TJP2: variants seen among roughly 807,000 people sequenced by gnomAD.
TJP2 encodes the protein Friedreich ataxia region gene X104 (tight junction protein ZO-2).
A neutral mutation model predicts 133.1 loss-of-function variants in TJP2; 91 were observed. The observed-to-expected ratio is 0.68, with a 90% CI of 0.58 to 0.81. TJP2 has a LOEUF of 0.81. TJP2 is among the 40% of genes least tolerant of loss of function. The pLI is 0.00. For missense variants in TJP2, 1,541 were observed against 1,565.6 expected, an observed-to-expected ratio of 0.98 and a Z score of 0.26; for synonymous variants, 592 against 583.4, an observed-to-expected ratio of 1.01 and a Z score of -0.21.
intron 10 of TJP2, 56 bp downstream of exon 10, chr9:69,229,306 A>G: frequency 6.4e-7 from 1 of 1,561,552 alleles, no homozygotes. Flanking sequence ...CTGTCTCTGT[A>G]ACTGAAATCC....
intron 9 of TJP2, 122 bp downstream of exon 9, chr9:69,228,236 C>T: frequency 8.1e-7 from 1 of 1,231,280 alleles, no homozygotes; most frequent in Non-Finnish European, 1.2e-6. Flanking sequence ...GGCCATTATC[C>T]TAAGCTAATT....
intron 14 of TJP2, among the ~76,000 whole-genome samples, 175 bp from the exon 15 acceptor site, chr9:69,237,703 T>G (rs1048844316): frequency 1.3e-5 from 2 of 152,054 alleles, no homozygotes; most frequent in African/African-American, 4.8e-5. Flanking sequence ...AAAAATTGTT[T>G]TAAATGGTGA....
intron 11 of TJP2, 152 bp downstream of exon 11, chr9:69,230,384 T>G (rs1271942184): frequency 1.9e-5 from 18 of 948,194 alleles, no homozygotes; most frequent in Non-Finnish European, 2.1e-5. Context: ...TCTGTATTCC[T>G]CAAATGCGTC....
chr9:69,234,490 C>G lies in TJP2; in HGVS notation c.1723C>G (p.Leu575Val). The G allele has an allele frequency of 6.6e-7, 1 of 1,515,650 alleles. No homozygotes were observed. The highest frequency in any genetic ancestry group is 8.9e-7 in the Non-Finnish European group (1 of 1,123,916). The allele number at this position is 1,515,650 out of a possible 1,614,324, so 93.9% of individuals were successfully genotyped here. The stretch of plus-strand genomic sequence containing the variant: ...AGTGCGGGAGGATGCCGTTCTCTAC[C>G]TGTTAGAAATCCCTAAAGGTGAAAT... ...GLVREDAVLY[L>V]LEIPKGEMVT... Residue 575 changes from leucine (L) to valine (V), a missense_variant, in exon 12 of 23, where the codon CTG becomes GTG. Leu to Val is a conservative substitution (Grantham distance 32, BLOSUM62 1). Transcript: ENST00000377245.
intron 2 of TJP2, among the ~76,000 whole-genome samples, chr9:69,159,353 A>G (rs1042214352): frequency 6.6e-6 from 1 of 152,270 alleles, no homozygotes; most frequent in Admixed American, 6.5e-5. Context: ...TTGAAAAAAT[A>G]TATACAATTT....
In TJP2 at chr9:69,223,069, GAAAAAAA is replaced by G. The variant is rs57114714; in HGVS notation, c.952+1589_952+1595del. On this transcript the variant is annotated intron_variant, in intron 5 of 22. Coordinates refer to ENST00000377245, the MANE Select transcript of TJP2 (RefSeq NM_004817.4). ...GGGTGACAGAGCGAGACTCTGTCTT[GAAAAAAA>G]AAAAAAAAAAAAAAAGAAACCATGG... Among the ~76,000 whole-genome samples the G allele has an allele frequency of 1.4e-4, 16 of 114,098 alleles. No homozygotes were observed. The East Asian group carries it at 2.5e-3, about 18-fold the overall frequency. 74.9% of individuals were successfully genotyped at this position (114,098 alleles called of 152,430 possible). A position where few individuals can be genotyped will look rare whatever the true frequency, so the allele number is the denominator to read the frequency against.
At chr9:69,215,479 G>A (rs1457544485) in intron 2 of TJP2, among the ~76,000 whole-genome samples, 2 of 151,416 alleles carry the variant, frequency 1.3e-5, no homozygotes, top group Non-Finnish European at 2.9e-5. Context: ...TGACCTCACA[G>A]GCTCAGGTGA....
In TJP2 at chr9:69,247,040, T is replaced by G. The variant is rs79955122; in HGVS notation, c.2667+250T>G. Among the ~76,000 whole-genome samples the G allele has an allele frequency of 4.3e-4, 65 of 152,366 alleles. 1 individual carries two copies. In the East Asian group the frequency reaches 0.011, roughly 26 times the overall value. On this transcript the variant is annotated intron_variant, in intron 18 of 22. Transcript: ENST00000377245. ...ACTTTTAATGTAGTAACTAGTGTTA[T>G]ATTCCAAGTACACTAATCAGAGCTT... is the stretch of plus-strand genomic sequence containing the variant.
chr9:69,179,322 C>A (rs1182875718), intron 1 of TJP2, among the ~76,000 whole-genome samples: 2 of 152,130 alleles, frequency 1.3e-5, no homozygotes, highest in Admixed American at 1.3e-4. Context: ...CTTTCCTTAA[C>A]CATTTACACA....
At chr9:69,129,450 G>T (rs1224950646) in intron 1 of TJP2, among the ~76,000 whole-genome samples, 3 of 152,060 alleles carry the variant, frequency 2.0e-5, no homozygotes, top group African/African-American at 4.8e-5. Flanking sequence ...GGTCCAGGCT[G>T]CAGTGAGCTG....
rs117189876 is a variant in TJP2 at position 69,201,822 on chromosome 9, C to T, written c.61-10726C>T. 4.0e-3 allele frequency among the ~76,000 whole-genome samples: 602 copies of T among 152,210 alleles called. 10 individuals are homozygous for T. The highest frequency in any genetic ancestry group is 0.029 in the East Asian group (149 of 5,174). ...CATACGCCGCCACCACGTAGACGAA[C>T]CTTGAGGACATTATGCTATGTGAAG... On this transcript the variant is annotated intron_variant, in intron 1 of 22. Transcript: ENST00000377245.
At chr9:69,185,186 C>T (rs911496476) in intron 1 of TJP2, among the ~76,000 whole-genome samples, 7 of 152,042 alleles carry the variant, frequency 4.6e-5, no homozygotes, top group East Asian at 1.9e-4. Flanking sequence ...CTCAGCCTCC[C>T]GAGTAGCTGG....
At chr9:69,250,892 T>C in intron 20 of TJP2, 143 bp from the exon 21 acceptor site, 1 of 906,880 alleles carries the variant, frequency 1.1e-6, no homozygotes, top group Non-Finnish European at 1.8e-6. Flanking sequence ...CTGTTTGCCC[T>C]GCTGTATTAC....
At chr9:69,169,044 G>T (rs1034467925) in intron 2 of TJP2, among the ~76,000 whole-genome samples, 1 of 151,954 alleles carries the variant, frequency 6.6e-6, no homozygotes, top group Non-Finnish European at 1.5e-5. Flanking sequence ...GGGCGGGGAC[G>T]GGGGAGGACA....
chr9:69,133,296 C>T (rs1811024688), intron 1 of TJP2, among the ~76,000 whole-genome samples: 1 of 152,052 alleles, frequency 6.6e-6, no homozygotes, highest in African/African-American at 2.4e-5. Flanking sequence ...CTAAACAAGG[C>T]CGTGTATGTA....
intron 1 of TJP2, among the ~76,000 whole-genome samples, chr9:69,212,080 C>T (rs908178489): frequency 3.3e-5 from 5 of 152,048 alleles, no homozygotes; most frequent in African/African-American, 1.2e-4. Context: ...GAGAAAAAGC[C>T]GAAAGATCCC....
chr9:69,121,733 C>G (rs1487127076), intron 1 of TJP2: 3 of 152,080 alleles, frequency 2.0e-5, no homozygotes, highest in Non-Finnish European at 1.5e-5. Flanking sequence ...TAGGCAAGTA[C>G]CCTCCTCTCT....
chr9:69,175,775 G>T (rs1022699319), intron 1 of TJP2, among the ~76,000 whole-genome samples: 2 of 152,132 alleles, frequency 1.3e-5, no homozygotes, highest in African/African-American at 2.4e-5. Flanking sequence ...CTTTACTAAA[G>T]CACCGGTGGC....
At chr9:69,209,130 GCTTT>G (rs953584451) in intron 1 of TJP2, among the ~76,000 whole-genome samples, 3 of 152,066 alleles carry the variant, frequency 2.0e-5, no homozygotes, top group African/African-American at 2.4e-5. Context: ...TTGAGTGTCT[GCTTT>G]CTTTTTCTTT....
Sources: allele counts gnomAD v4.1 joint callset (sites outside exome capture counted in the v4.1 genomes callset), GRCh38; gene constraint gnomAD v4.1.1; transcripts MANE v1.5; gene names NCBI Gene and HGNC (gene_info 2026-07-23, HGNC 2026-07-21).